Variants in RAPGEF2 observed in about 807,000 individuals in gnomAD.
RAPGEF2 encodes the protein Rap guanine nucleotide exchange factor 2.
In RAPGEF2, 54 loss-of-function variants were observed where a neutral mutation model predicts 186.7. That is an observed-to-expected ratio of 0.29 (90% confidence interval 0.23 to 0.36). The LOEUF (loss-of-function observed/expected upper bound fraction) is 0.36, where lower values mean the gene tolerates loss of function less well. Among genes scored for constraint, RAPGEF2 ranks in the 10% least tolerant of loss-of-function variants. The pLI, the probability that RAPGEF2 is intolerant of heterozygous loss-of-function variation, is 1.00. For synonymous variants in RAPGEF2, 712 were observed against 705.9 expected (o/e 1.01, Z -0.14); for missense variants, 1,532 against 2,045.0 (o/e 0.75, Z 4.84).
At chr4:159,129,038 G>A (rs966134256) in intron 1 of RAPGEF2, 2 of 150,504 alleles carry the variant, frequency 1.3e-5, no homozygotes, top group Admixed American at 1.3e-4. Flanking sequence ...ATGAATGGAT[G>A]CAGTCTTTTG....
intron 1 of RAPGEF2, among the ~76,000 whole-genome samples, chr4:159,109,241 A>C (rs1399060963): frequency 6.6e-6 from 1 of 152,166 alleles, no homozygotes; most frequent in African/African-American, 2.4e-5. Flanking sequence ...CTGTAATCCC[A>C]GCACTTTGGG....
chr4:159,105,465 T>C (rs1737771131), intron 1 of RAPGEF2, among the ~76,000 whole-genome samples: 1 of 152,216 alleles, frequency 6.6e-6, no homozygotes, highest in Non-Finnish European at 1.5e-5. Flanking sequence ...CCGTTTTTGA[T>C]TTTTCATTTT....
chr4:159,157,631 C>T (rs1172923658), intron 1 of RAPGEF2, among the ~76,000 whole-genome samples: 3 of 152,158 alleles, frequency 2.0e-5, no homozygotes, highest in Non-Finnish European at 2.9e-5. Flanking sequence ...TATCTGTAAT[C>T]TTCGTATCTG....
In RAPGEF2 at chr4:159,126,465, A is replaced by G. The variant is rs1451205254; in HGVS notation, c.69+22234A>G. Among the ~76,000 whole-genome samples, 7 of 152,002 alleles carry G rather than the reference A, an allele frequency of 4.6e-5. No homozygotes were observed. In the Middle Eastern group the frequency reaches 0.01, roughly 222 times the overall value. ...TTTTTGCATATTTTTAGTTTTCTTT[A>G]TATATGAAATAAGTGAAGTAATTTT... On this transcript the variant is annotated intron_variant, in intron 1 of 29. Transcript: ENST00000691494.
intron 29 of RAPGEF2, 95 bp downstream of exon 29, chr4:159,356,253 G>GCTA: frequency 7.8e-7 from 1 of 1,285,738 alleles, no homozygotes; most frequent in Non-Finnish European, 1.1e-6. Context: ...ACTGCAGTCA[G>GCTA]CTATGTCTAA....
At chr4:159,306,259 G>A (rs1269790731) in intron 8 of RAPGEF2, among the ~76,000 whole-genome samples, 3 of 151,986 alleles carry the variant, frequency 2.0e-5, no homozygotes, top group Non-Finnish European at 4.4e-5. Context: ...TTCAATCCAT[G>A]AGCATGGGAT....
At chr4:159,143,931 C>T (rs974560703) in intron 1 of RAPGEF2, among the ~76,000 whole-genome samples, 1 of 152,164 alleles carries the variant, frequency 6.6e-6, no homozygotes, top group Non-Finnish European at 1.5e-5. Context: ...TGTGTATAGT[C>T]AGTTTGTTCA....
intron 1 of RAPGEF2, among the ~76,000 whole-genome samples, chr4:159,131,062 A>G (rs1740995983): frequency 6.6e-6 from 1 of 150,644 alleles, no homozygotes; most frequent in Non-Finnish European, 1.5e-5. Context: ...TGAAAATAAT[A>G]CAGAGTTTCG....
In RAPGEF2 at chr4:159,341,716, A is replaced by G. The variant is rs765182926; in HGVS notation, c.2687A>G (p.Asn896Ser). ...LSMRNFELFR[N>S]IEPTEYIDDL... ...ATGCGAAATTTTGAACTCTTTCGCAACATTGAACCTACTGAATATATAGAT... is the reference window on the plus strand; with the variant it reads ...ATGCGAAATTTTGAACTCTTTCGCAGCATTGAACCTACTGAATATATAGAT... Residue 896 changes from asparagine to serine, a missense_variant, in exon 20 of 30, where the codon AAC becomes AGC. Physicochemically the swap from Asn to Ser is conservative, Grantham distance 46. Transcript: ENST00000691494. 1.2e-6 allele frequency: 2 copies of G among 1,614,086 alleles called. No homozygotes were observed. The highest frequency in any genetic ancestry group is 8.5e-7 in the Non-Finnish European group (1 of 1,179,950).
intron 3 of RAPGEF2, among the ~76,000 whole-genome samples, chr4:159,202,074 G>T (rs539523502): frequency 5.9e-5 from 9 of 152,284 alleles, no homozygotes; most frequent in African/African-American, 2.2e-4. Context: ...CAGTTGTGCC[G>T]AACCTGTCTC....
intron 4 of RAPGEF2, among the ~76,000 whole-genome samples, chr4:159,211,223 T>C (rs1750494894): frequency 6.6e-6 from 1 of 152,160 alleles, no homozygotes; most frequent in Admixed American, 6.5e-5. Flanking sequence ...CTGACTGGCC[T>C]GGGTTGGGGC....
Position 159,104,441 on chromosome 4 carries a change from T to C in RAPGEF2, c.69+210T>C, listed in dbSNP as rs114918165. 6.3e-3 allele frequency among the ~76,000 whole-genome samples: 933 copies of C among 148,046 alleles called. 10 individuals carry two copies. The highest frequency in any genetic ancestry group is 9.5e-3 in the Non-Finnish European group (641 of 67,344). ...TTCCCTCTCCTTGACATTCTGCTCC[T>C]TAACTCTTCCCTCCCCATGACTGAC... On this transcript the variant is annotated intron_variant, in intron 1 of 29. Coordinates refer to ENST00000691494, the MANE Select transcript of RAPGEF2 (RefSeq NM_001394067.2).
At chr4:159,181,575 CTTT>C (rs531646826) in intron 1 of RAPGEF2, among the ~76,000 whole-genome samples, 35,795 of 120,622 alleles carry the variant, frequency 0.3, 3,664 homozygotes, top group Non-Finnish European at 0.34. Context: ...GGAAGACAGT[CTTT>C]TTTTTTTTTT....
intron 7 of RAPGEF2, among the ~76,000 whole-genome samples, chr4:159,254,321 GA>G (rs1004322869): frequency 6.6e-6 from 1 of 152,106 alleles, no homozygotes; most frequent in African/African-American, 2.4e-5. Flanking sequence ...TGAGCGCAGT[GA>G]AAAAAGCAAG....
At chr4:159,262,742 A>C (rs1274256764) in intron 7 of RAPGEF2, among the ~76,000 whole-genome samples, 1 of 152,052 alleles carries the variant, frequency 6.6e-6, no homozygotes, top group Non-Finnish European at 1.5e-5. Context: ...TTGCCACATA[A>C]TTTTCGTATA....
intron 1 of RAPGEF2, among the ~76,000 whole-genome samples, chr4:159,171,154 T>C (rs1745869590): frequency 6.6e-6 from 1 of 152,176 alleles, no homozygotes; most frequent in Non-Finnish European, 1.5e-5. Flanking sequence ...TAAAATGCTG[T>C]TTTGAGTATG....
intron 1 of RAPGEF2, among the ~76,000 whole-genome samples, chr4:159,182,615 C>T (rs1396265837): frequency 3.3e-5 from 5 of 152,028 alleles, no homozygotes; most frequent in Admixed American, 1.3e-4. Flanking sequence ...AGGCTGGTCT[C>T]GAACTCCTAA....
chr4:159,280,947 G>A (rs1759608578), intron 7 of RAPGEF2, among the ~76,000 whole-genome samples: 2 of 151,104 alleles, frequency 1.3e-5, no homozygotes, highest in Non-Finnish European at 2.9e-5. Context: ...TCTGATGTTA[G>A]CTAGCTGTAC....
At chr4:159,217,970 C>T (rs1751143675) in intron 4 of RAPGEF2, among the ~76,000 whole-genome samples, 1 of 152,030 alleles carries the variant, frequency 6.6e-6, no homozygotes, top group African/African-American at 2.4e-5. Context: ...TTAAGTGTTT[C>T]TTATTTCATG....
Sources: gnomAD v4.1 joint callset for allele counts (sites outside exome capture counted in the v4.1 genomes callset) on GRCh38, gnomAD v4.1.1 for gene constraint, MANE v1.5 for transcripts, NCBI Gene and HGNC (gene_info 2026-07-23, HGNC 2026-07-21) for gene names.